The following HERC1 variants were observed in gnomAD, a reference collection of about 807,000 sequenced individuals.
The protein encoded by HERC1 is HECT and RLD domain containing E3 ubiquitin protein ligase family member 1.
HERC1 carries 160 observed loss-of-function variants against 554.3 expected under a neutral mutation model. That is an observed-to-expected ratio of 0.29 (90% CI 0.25 to 0.33). The LOEUF is 0.33. Ranked by LOEUF, HERC1 falls within the 10% of genes least tolerant of loss-of-function variation. HERC1 has a pLI of 1.00. For synonymous variants in HERC1, 2,175 were observed against 2,131.7 expected, an observed-to-expected ratio of 1.02 and a Z score of -0.56; for missense variants, 4,919 against 5,918.5, an observed-to-expected ratio of 0.83 and a Z score of 5.54.
intron 48 of HERC1, among the ~76,000 whole-genome samples, 153 bp downstream of exon 48, chr15:63,658,391 A>G (rs1222954993): frequency 6.6e-6 from 1 of 152,252 alleles, no homozygotes; most frequent in Non-Finnish European, 1.5e-5. Flanking sequence ...TGACCGATTG[A>G]GTGAATAACA....
At chr15:63,817,483 G>C (rs2077531339) in intron 1 of HERC1, among the ~76,000 whole-genome samples, 1 of 152,192 alleles carries the variant, frequency 6.6e-6, no homozygotes, top group African/African-American at 2.4e-5. Context: ...GGGTGGCCGA[G>C]GCAGGTGGAT....
chr15:63,612,443 T>G lies in HERC1; in HGVS notation c.14208A>C (p.Glu4736Asp). 6.2e-7 allele frequency: 1 copy of G among 1,614,020 alleles called. No individual in the cohort carries two copies. Among genetic ancestry groups the G allele is most frequent in the Non-Finnish European group, 8.5e-7 (1 of 1,179,896 alleles). Residue 4736 changes from glutamate (E) to aspartate (D), a missense_variant, in exon 77 of 78, where the codon GAA becomes GAC. Glu to Asp is a conservative substitution (Grantham distance 45). Around this residue, in one of 11 missense-constraint regions of HERC1, gnomAD observed 284 missense variants for 294.1 expected, o/e 0.97. Coordinates refer to ENST00000443617, the MANE Select transcript of HERC1 (RefSeq NM_003922.4). This position sits in a 1 kb window ranked among gnomAD's most constrained non-coding sequence, Gnocchi z 5.0. ...MVCGMPEISV[E>D]VLKKVVRYRE... is the part of the protein sequence containing the mutation. Reference sequence around the variant, plus strand: ...GGTACCGCACCACTTTCTTCAAGACTTCCACAGAGATCTCGGGCATCCCAC... The same window carrying G: ...GGTACCGCACCACTTTCTTCAAGACGTCCACAGAGATCTCGGGCATCCCAC...
chr15:63,677,876 C>A lies in HERC1; in HGVS notation c.7039G>T (p.Val2347Phe), dbSNP rs760574108. Residue 2347 changes from valine (V) to phenylalanine (F), a missense_variant, in exon 37 of 78, where the codon GTC becomes TTC. Val to Phe is a conservative substitution (Grantham distance 50). Coordinates refer to ENST00000443617, the MANE Select transcript of HERC1 (RefSeq NM_003922.4). The surrounding 1 kb of genome is among the most constrained non-coding windows in gnomAD (Gnocchi z 4.4). ...VVKEGSTSAKVQWDEAEITIS... is the reference protein window; with the variant it reads ...VVKEGSTSAKFQWDEAEITIS... ...GTAATTTCTGCTTCATCCCATTGGACCTTGGCAGACGTGCTGCCCTCTTTG... is the reference window on the plus strand; with the variant it reads ...GTAATTTCTGCTTCATCCCATTGGAACTTGGCAGACGTGCTGCCCTCTTTG... 2 of 1,613,896 alleles carry A rather than the reference C, an allele frequency of 1.2e-6. No homozygotes were observed. The highest frequency in any genetic ancestry group is 1.7e-6 in the Non-Finnish European group (2 of 1,179,836).
At position 63,665,958 on chromosome 15, in the gene HERC1, G is replaced by A; in HGVS notation, c.8516C>T (p.Ser2839Leu). The change falls in exon 42 of 78, where the codon TCA (serine) becomes TTA (leucine). Residue 2839 changes from serine (S) to leucine (L), a missense_variant. Physicochemically the swap from Ser to Leu is moderately radical, Grantham distance 145. Transcript: ENST00000443617. ...TTCCTCCATTTCAGCAGCATCAGCT[G>A]ATGGTATGTCTCCAGGTGACTGCAA... ...CYLQSPGDIP[S>L]ADAAEMEEGF... The A allele has an allele frequency of 6.2e-7, 1 of 1,613,934 alleles. No homozygotes were observed. The highest frequency in any genetic ancestry group is 8.5e-7 in the Non-Finnish European group (1 of 1,179,828).
chr15:63,690,720 A>C (rs2072056324), intron 31 of HERC1, 73 bp from the exon 32 acceptor site: 1 of 938,608 alleles, frequency 1.1e-6, no homozygotes, highest in Non-Finnish European at 1.7e-6. Context: ...TCTGGGAAAA[A>C]AATTCCTGAG....
intron 1 of HERC1, among the ~76,000 whole-genome samples, chr15:63,803,641 C>A (rs1403431022): frequency 6.6e-6 from 1 of 152,150 alleles, no homozygotes; most frequent in African/African-American, 2.4e-5. Context: ...GAACCAATTG[C>A]CAATTCAGTT....
chr15:63,740,342 CAT>C (rs767213151), intron 12 of HERC1, among the ~76,000 whole-genome samples: 4 of 152,160 alleles, frequency 2.6e-5, no homozygotes, highest in Non-Finnish European at 5.9e-5. Flanking sequence ...TTGACAGACA[CAT>C]GTTGTTTTCA....
intron 32 of HERC1, among the ~76,000 whole-genome samples, chr15:63,689,960 T>C (rs1002476941): frequency 9.2e-5 from 14 of 151,854 alleles, no homozygotes; most frequent in African/African-American, 3.4e-4. Flanking sequence ...GGTTGGGAGT[T>C]TGAGACCAGC....
intron 1 of HERC1, among the ~76,000 whole-genome samples, chr15:63,803,128 C>G (rs1041857479): frequency 5.3e-5 from 8 of 152,044 alleles, no homozygotes; most frequent in African/African-American, 1.9e-4. Flanking sequence ...TCGCTTAAGC[C>G]TACGAGGCTG....
At chr15:63,669,334 C>T (rs1402374158) in intron 40 of HERC1, among the ~76,000 whole-genome samples, 1 of 152,170 alleles carries the variant, frequency 6.6e-6, no homozygotes. Flanking sequence ...GACTAATGTA[C>T]AGCACATTAT....
chr15:63,663,671 C>A (rs2070470562), intron 43 of HERC1, among the ~76,000 whole-genome samples: 1 of 152,156 alleles, frequency 6.6e-6, no homozygotes, highest in South Asian at 2.1e-4. Context: ...GTGGCCCAGG[C>A]TGGTCTCAAA....
Position 63,674,423 on chromosome 15 carries a change from G to T in HERC1, c.7765C>A (p.Leu2589Met), listed in dbSNP as rs2071095683. 6.2e-7 allele frequency: 1 copy of T among 1,613,668 alleles called. No homozygotes were observed. The change falls in exon 38 of 78, where the codon CTG (leucine) becomes ATG (methionine). Residue 2589 changes from leucine (L) to methionine (M), a missense_variant. Leu to Met is a conservative substitution (Grantham distance 15). Coordinates refer to ENST00000443617, the MANE Select transcript of HERC1 (RefSeq NM_003922.4). ...TAGATCATGGCTTGCGCTCGTTCCA[G>T]ATCAGCTAATCCCAATGCTCTCTTT... The part of the protein sequence containing the change: ...PIKRALGLAD[L>M]ERAQAMIYKL...
In HERC1 at chr15:63,643,437, T is replaced by C. The variant is rs1198524707; in HGVS notation, c.11298A>G (p.Gly3766=). 6.2e-7 allele frequency: 1 copy of C among 1,613,482 alleles called. No individual in the cohort carries two copies. ...SSDGLALVSG[G]LGGLMNIWSL... ...ACCAAATGTTCATGAGCCCACCTAG[T>C]CCACCAGACACCAGGGCCAACCCAT... The change falls in exon 58 of 78, where the codon GGA becomes GGG. Residue 3766 remains glycine (G), a synonymous_variant. Coordinates refer to ENST00000443617, the MANE Select transcript of HERC1 (RefSeq NM_003922.4).
chr15:63,770,879 C>T lies in HERC1; in HGVS notation c.930+3815G>A, dbSNP rs759038035. 2.0e-5 allele frequency among the ~76,000 whole-genome samples: 3 copies of T among 152,212 alleles called. No individual in the cohort carries two copies. The South Asian group carries it at 6.2e-4, about 32-fold the overall frequency. ...TACAAACTTCCTAGTTCTCAGACAA[C>T]AGTAAAGTGTAAGAAACATGGGTTC... On this transcript the variant is annotated intron_variant, in intron 2 of 77. Coordinates refer to ENST00000443617, the MANE Select transcript of HERC1 (RefSeq NM_003922.4).
At chr15:63,830,216 G>A (rs538498177) in intron 1 of HERC1, among the ~76,000 whole-genome samples, 11 of 152,246 alleles carry the variant, frequency 7.2e-5, no homozygotes, top group Admixed American at 1.3e-4. Flanking sequence ...GAAGAATACC[G>A]CTAAGGGTTC....
chr15:63,725,884 T>C (rs1219084368), intron 17 of HERC1, among the ~76,000 whole-genome samples: 1 of 152,192 alleles, frequency 6.6e-6, no homozygotes, highest in Non-Finnish European at 1.5e-5. Context: ...AATTTATCCA[T>C]TAAAATGACA....
intron 49 of HERC1, 35 bp downstream of exon 49, chr15:63,656,053 C>A: frequency 6.2e-7 from 1 of 1,604,472 alleles, no homozygotes; most frequent in South Asian, 1.1e-5. Context: ...CAGAAATAAT[C>A]AATGTAACGG....
chr15:63,664,527 C>G lies in HERC1; in HGVS notation c.8623G>C (p.Ala2875Pro). Residue 2875 changes from alanine to proline, a missense_variant, in exon 43 of 78, where the codon GCG (alanine) becomes CCG (proline). Coordinates refer to ENST00000443617, the MANE Select transcript of HERC1 (RefSeq NM_003922.4). ...TCAAACTTGTGTCTTCTTGTTACCG[C>G]TGAGCGACCTCTAGCTGATGGTCCA... Reference protein sequence around the residue: ...GSGPSARGRSAVTRRHKFDLA... With the variant: ...GSGPSARGRSPVTRRHKFDLA... 1.2e-6 allele frequency: 2 copies of G among 1,613,786 alleles called. No homozygotes were observed. Among genetic ancestry groups the G allele is most frequent in the South Asian group, 1.1e-5 (1 of 91,052 alleles).
intron 1 of HERC1, chr15:63,779,515 C>T (rs1215966741): frequency 6.6e-6 from 1 of 152,170 alleles, no homozygotes; most frequent in Non-Finnish European, 1.5e-5. Flanking sequence ...ATATACCACT[C>T]TTAGTACAAG....
Sources: allele counts gnomAD v4.1 joint callset (sites outside exome capture counted in the v4.1 genomes callset), GRCh38; gene constraint gnomAD v4.1.1; regional missense constraint gnomAD v4.1.1; non-coding constraint Gnocchi (gnomAD v3.1); transcripts MANE v1.5; gene names NCBI Gene and HGNC (gene_info 2026-07-23, HGNC 2026-07-21).